The following TMA16 variants were observed in gnomAD, a reference collection of about 807,000 sequenced individuals.
The protein encoded by TMA16 is translation machinery associated 16 homolog, also known as translation machinery-associated protein 16.
A neutral mutation model predicts 27.1 loss-of-function variants in TMA16; 26 were observed. That is an observed-to-expected ratio of 0.96 (90% confidence interval 0.70 to 1.33). The LOEUF (loss-of-function observed/expected upper bound fraction) is 1.33. Among genes scored for constraint, TMA16 ranks in the 40% most tolerant of loss-of-function variants. TMA16 has a pLI of 0.00. For synonymous variants in TMA16, 71 were observed against 81.9 expected (o/e 0.87, Z 0.72); for missense variants, 233 against 241.4 (o/e 0.97, Z 0.23).
rs1219469731 is a variant in TMA16 at position 163,520,118 on chromosome 4, T to C, written c.*604T>C. ...ATGTTGATCTCCCACAATTAATTTA[T>C]CTTTTGACAAAGGGGATAAAGAGTT... On this transcript the variant is annotated 3_prime_UTR_variant, in exon 7 of 7. Coordinates refer to ENST00000358572, the MANE Select transcript of TMA16 (RefSeq NM_018352.3). 12 of 481,552 alleles carry C rather than the reference T, an allele frequency of 2.5e-5. No individual in the cohort carries two copies. Among genetic ancestry groups the C allele is most frequent in the Non-Finnish European group, 3.7e-5 (10 of 272,016 alleles). The allele number at this position is 481,552 out of a possible 1,614,324, so 29.8% of individuals were successfully genotyped here.
chr4:163,510,047 C>G (rs569542205), intron 2 of TMA16, among the ~76,000 whole-genome samples: 2 of 152,272 alleles, frequency 1.3e-5, no homozygotes, highest in Admixed American at 1.3e-4. Flanking sequence ...TCTCACATCT[C>G]TCTACTTTTC....
chr4:163,503,914 AT>A (rs1737683480), intron 1 of TMA16, among the ~76,000 whole-genome samples: 2 of 152,214 alleles, frequency 1.3e-5, no homozygotes, highest in Admixed American at 1.3e-4. Context: ...CTTTTCATGA[AT>A]AAATTATTAT....
intron 6 of TMA16, chr4:163,517,686 T>C: frequency 3.9e-6 from 2 of 506,442 alleles, no homozygotes; most frequent in Non-Finnish European, 6.9e-6. Flanking sequence ...GTGTGCTTTT[T>C]GTTTTTCAAA....
intron 1 of TMA16, among the ~76,000 whole-genome samples, chr4:163,501,344 A>G (rs1451378337): frequency 1.3e-5 from 2 of 152,226 alleles, no homozygotes; most frequent in Non-Finnish European, 2.9e-5. Flanking sequence ...TTTATTGTCT[A>G]CTTTTACAGG....
At position 163,511,367 on chromosome 4, in the gene TMA16, G is replaced by A. The variant is rs1737794850; in HGVS notation, c.117-1455G>A. ...TCTTTTTGGTCATTTGTGTTTTCTT[G>A]ATGGAGAATCTGTCCGAATCTTTTG... On this transcript the variant is annotated intron_variant, in intron 2 of 6. Coordinates refer to ENST00000358572, the MANE Select transcript of TMA16 (RefSeq NM_018352.3). Among the ~76,000 whole-genome samples the A allele has an allele frequency of 2.6e-5, 4 of 151,838 alleles. No individual in the cohort carries two copies. In the South Asian group the frequency reaches 8.3e-4, roughly 32 times the overall value.
At chr4:163,513,550 C>T (rs1197942315) in intron 3 of TMA16, among the ~76,000 whole-genome samples, 3 of 152,126 alleles carry the variant, frequency 2.0e-5, no homozygotes, top group African/African-American at 7.2e-5. Context: ...TACACAGTAC[C>T]TGGCAGCTCT....
chr4:163,500,595 GA>G (rs1329004826), intron 1 of TMA16, among the ~76,000 whole-genome samples: 1 of 152,154 alleles, frequency 6.6e-6, no homozygotes, highest in Non-Finnish European at 1.5e-5. Context: ...ACTCAAACAA[GA>G]CAGTGCCTTC....
chr4:163,510,334 A>C (rs998415810), intron 2 of TMA16, among the ~76,000 whole-genome samples: 10 of 152,206 alleles, frequency 6.6e-5, no homozygotes, highest in African/African-American at 1.9e-4. Flanking sequence ...AGTATGTAGT[A>C]TACAATTTCA....
chr4:163,502,820 G>C (rs1737665777), intron 1 of TMA16, among the ~76,000 whole-genome samples: 1 of 152,024 alleles, frequency 6.6e-6, no homozygotes, highest in Non-Finnish European at 1.5e-5. Context: ...TGCAAAAAAA[G>C]TGTAGATTTG....
chr4:163,508,134 C>T (rs1737743448), intron 2 of TMA16, among the ~76,000 whole-genome samples: 1 of 152,036 alleles, frequency 6.6e-6, no homozygotes, highest in South Asian at 2.1e-4. Flanking sequence ...GCTATTTATG[C>T]ATCACTTTTA....
intron 1 of TMA16, among the ~76,000 whole-genome samples, chr4:163,500,011 T>A (rs1444432019): frequency 2.0e-5 from 3 of 152,166 alleles, no homozygotes; most frequent in East Asian, 1.9e-4. Flanking sequence ...ATTTTCTTTT[T>A]TGTGCGTGTG....
intron 6 of TMA16, among the ~76,000 whole-genome samples, chr4:163,517,786 A>G (rs1263220150): frequency 6.6e-6 from 1 of 152,098 alleles, no homozygotes; most frequent in Admixed American, 6.6e-5. Flanking sequence ...AAGTAACAGC[A>G]ACAGACGTGA....
intron 6 of TMA16, 46 bp from the exon 7 acceptor site, chr4:163,519,288 C>T (rs760399722): frequency 1.0e-5 from 15 of 1,479,930 alleles, no homozygotes; most frequent in Non-Finnish European, 1.3e-5. Context: ...TCCACATTAA[C>T]TCTTACCAAC....
At chr4:163,498,940 GA>G (rs1737605371) in intron 1 of TMA16, among the ~76,000 whole-genome samples, 1 of 152,192 alleles carries the variant, frequency 6.6e-6, no homozygotes, top group African/African-American at 2.4e-5. Flanking sequence ...ATAGTGGGCA[GA>G]AGCCACTGTG....
chr4:163,499,801 G>C (rs1737618324), intron 1 of TMA16, among the ~76,000 whole-genome samples: 1 of 152,010 alleles, frequency 6.6e-6, no homozygotes, highest in African/African-American at 2.4e-5. Context: ...AGAATACCCA[G>C]ATGTGAAGCC....
chr4:163,505,562 A>G (rs1014164571), intron 1 of TMA16, among the ~76,000 whole-genome samples: 4 of 152,264 alleles, frequency 2.6e-5, no homozygotes, highest in African/African-American at 9.6e-5. Flanking sequence ...GGCAGAGGTA[A>G]TAACAAGTGC....
chr4:163,520,272 A>G lies in TMA16; in HGVS notation c.*758A>G. On this transcript the variant is annotated 3_prime_UTR_variant, in exon 7 of 7. Coordinates refer to ENST00000358572, the MANE Select transcript of TMA16 (RefSeq NM_018352.3). ...TTTTAATTATGCTACTTTTTCTTCTAAGAGATAAATTGATATATCATTCAG... is the reference window on the plus strand; with the variant it reads ...TTTTAATTATGCTACTTTTTCTTCTGAGAGATAAATTGATATATCATTCAG... The G allele has an allele frequency of 4.5e-6, 1 of 220,050 alleles. No homozygotes were observed. The highest frequency in any genetic ancestry group is 8.8e-6 in the Non-Finnish European group (1 of 113,920). 13.6% of individuals were successfully genotyped at this position (220,050 alleles called of 1,614,324 possible). A position where few individuals can be genotyped will look rare whatever the true frequency, so the allele number is the denominator to read the frequency against.
At position 163,519,342 on chromosome 4, in the gene TMA16, A is replaced by T; in HGVS notation, c.440A>T (p.Asp147Val). ...TTTTTCCTTTTGTCTAGGGAATGGG[A>T]CTTTGATCTGAAGAAATTACCAAAC... ...ASNLKTFREW[D>V]FDLKKLPNIK... Residue 147 changes from aspartate to valine, a missense_variant, in exon 7 of 7, where the codon GAC (aspartate) becomes GTC (valine). Physicochemically the swap from Asp to Val is radical, Grantham distance 152. Transcript: ENST00000358572. 6.3e-7 allele frequency: 1 copy of T among 1,580,014 alleles called. No homozygotes were observed. The highest frequency in any genetic ancestry group is 8.6e-7 in the Non-Finnish European group (1 of 1,167,156).
rs571090172 is a variant in TMA16, at chr4:163,495,254, C to A, written c.3+450C>A. On this transcript the variant is annotated intron_variant, in intron 1 of 6. Transcript: ENST00000358572. Reference sequence around the variant, plus strand: ...CCTCTCGTTAGTGCCCTGAATCCTGCCGTTACGCCCCCATTCGCTCCAGGG... The same window carrying A: ...CCTCTCGTTAGTGCCCTGAATCCTGACGTTACGCCCCCATTCGCTCCAGGG... 9.2e-5 allele frequency among the ~76,000 whole-genome samples: 14 copies of A among 152,332 alleles called. No individual in the cohort carries two copies. In the South Asian group the frequency reaches 2.9e-3, roughly 32 times the overall value.
Sources: allele counts gnomAD v4.1 joint callset (sites outside exome capture counted in the v4.1 genomes callset), GRCh38; gene constraint gnomAD v4.1.1; transcripts MANE v1.5; gene names NCBI Gene and HGNC (gene_info 2026-07-23, HGNC 2026-07-21).